Variants in DCST1 observed in about 807,000 individuals in gnomAD.
DCST1 encodes the protein DC-STAMP domain containing 1.
A neutral mutation model predicts 89.1 loss-of-function variants in DCST1; 78 were observed. That is an observed-to-expected ratio of 0.88 (90% confidence interval 0.73 to 1.06). The LOEUF (loss-of-function observed/expected upper bound fraction) is 1.06, where lower values mean the gene tolerates loss of function less well. Ranked by LOEUF, DCST1 falls within the 50% of genes least tolerant of loss-of-function variation. DCST1 has a pLI of 0.00. For synonymous variants in DCST1, 364 were observed against 371.9 expected, an observed-to-expected ratio of 0.98 and a Z score of 0.24; for missense variants, 900 against 928.6, an observed-to-expected ratio of 0.97 and a Z score of 0.40.
At chr1:155,042,610 G>T in intron 8 of DCST1, 125 bp from the exon 9 acceptor site, 1 of 1,324,530 alleles carries the variant, frequency 7.5e-7, no homozygotes, top group Non-Finnish European at 1.1e-6. Flanking sequence ...CATTGGTGTG[G>T]TAGCAAGCCA....
In DCST1 at chr1:155,041,612, C is replaced by T. The variant is rs764451537; in HGVS notation, c.747C>T (p.Ser249=). The T allele has an allele frequency of 6.2e-7, 1 of 1,614,112 alleles. No individual in the cohort carries two copies. The highest frequency in any genetic ancestry group is 2.2e-5 in the East Asian group (1 of 44,886). Residue 249 remains serine (S), a splice_region_variant and synonymous_variant, in exon 7 of 17, where the codon TCC becomes TCT. Transcript: ENST00000295542. ...AGCTGAAGACCAAGCTGCGTTGCTC[C>T]TGTGAGGGGTATCCCTGGGGAGTGG... The part of the protein sequence containing the change: ...MYELKTKLRC[S]YVVNQAILSC...
chr1:155,043,450 G>C lies in DCST1; in HGVS notation c.1113G>C (p.Glu371Asp). 1 of 1,612,914 alleles carries C rather than the reference G, an allele frequency of 6.2e-7. No homozygotes were observed. Among genetic ancestry groups the C allele is most frequent in the Non-Finnish European group, 8.5e-7 (1 of 1,179,594 alleles). Residue 371 changes from glutamate (E) to aspartate (D), a missense_variant, in exon 10 of 17, where the codon GAG becomes GAC. Physicochemically the swap from Glu to Asp is conservative, Grantham distance 45. Transcript: ENST00000295542. ...DYVYRQEARLEWALGLLHVLL... is the reference protein window; with the variant it reads ...DYVYRQEARLDWALGLLHVLL... ...TGTACCGCCAGGAGGCCCGGCTGGA[G>C]TGGGCCCTGGGGCTGCTGCACGTGC...
At chr1:155,033,918 C>A in intron 1 of DCST1, 54 bp from the exon 2 acceptor site, 1 of 1,408,796 alleles carries the variant, frequency 7.1e-7, no homozygotes, top group Non-Finnish European at 9.9e-7. Flanking sequence ...AGAGCTCAGG[C>A]CTAGGCTTCC....
At chr1:155,048,416 C>A (rs990376109) in intron 16 of DCST1, among the ~76,000 whole-genome samples, 1 of 152,242 alleles carries the variant, frequency 6.6e-6, no homozygotes, top group African/African-American at 2.4e-5. Flanking sequence ...CTCAGCCCCC[C>A]ACTCCACAAG....
chr1:155,047,906 A>G lies in DCST1; in HGVS notation c.1732A>G (p.Ile578Val), dbSNP rs372446890. The change falls in exon 15 of 17, where the codon ATC (isoleucine) becomes GTC (valine). Residue 578 changes from isoleucine to valine, a missense_variant. By Grantham distance (29) the Ile-to-Val change is conservative. Coordinates refer to ENST00000295542, the MANE Select transcript of DCST1 (RefSeq NM_152494.4). ...TTTTGGCTACCGACTCCGGAGGGTC[A>G]TCGCAGCCTTCTACTTCCCCAAGGT... is the stretch of plus-strand genomic sequence containing the variant. ...QAFGYRLRRV[I>V]AAFYFPKREK... is the part of the protein sequence containing the mutation. 1.2e-6 allele frequency: 2 copies of G among 1,614,114 alleles called. No homozygotes were observed. Among genetic ancestry groups the G allele is most frequent in the Non-Finnish European group, 8.5e-7 (1 of 1,180,012 alleles).
chr1:155,034,979 C>A, intron 4 of DCST1: 1 of 532,360 alleles, frequency 1.9e-6, no homozygotes, highest in Non-Finnish European at 3.4e-6. Flanking sequence ...TATAGTCCAA[C>A]CCCATAACCC....
chr1:155,034,084 ACAGCCT>A lies in DCST1; in HGVS notation c.51_56del (p.Gln17_Pro18del). ...ATGGCACAAGAGGGCAAAGAAGAAA[ACAGCCT>A]CATACCAGTGAGTCACTCAGCAGAG... On this transcript the variant is annotated inframe_deletion, in exon 2 of 17. Coordinates refer to ENST00000295542, the MANE Select transcript of DCST1 (RefSeq NM_152494.4). The A allele has an allele frequency of 1.2e-6, 2 of 1,614,056 alleles. No homozygotes were observed. The highest frequency in any genetic ancestry group is 1.7e-6 in the Non-Finnish European group (2 of 1,180,012).
At chr1:155,048,341 G>A (rs1328063345) in intron 16 of DCST1, among the ~76,000 whole-genome samples, 171 bp downstream of exon 16, 2 of 152,168 alleles carry the variant, frequency 1.3e-5, no homozygotes, top group African/African-American at 4.8e-5. Context: ...GCCCAGGCTG[G>A]AGTGCAGTGG....
rs377175890 is a variant in DCST1 at position 155,043,448 on chromosome 1, G to A, written c.1111G>A (p.Glu371Lys). ...DYVYRQEARL[E>K]WALGLLHVLL... is the part of the protein sequence containing the mutation. ...CGTGTACCGCCAGGAGGCCCGGCTG[G>A]AGTGGGCCCTGGGGCTGCTGCACGT... The change falls in exon 10 of 17, where the codon GAG (glutamate) becomes AAG (lysine). Residue 371 changes from glutamate (E) to lysine (K), a missense_variant. Transcript: ENST00000295542. 2 of 1,613,034 alleles carry A rather than the reference G, an allele frequency of 1.2e-6. No individual in the cohort carries two copies. The highest frequency in any genetic ancestry group is 1.7e-6 in the Non-Finnish European group (2 of 1,179,630).
chr1:155,039,955 C>T (rs1303482305), intron 5 of DCST1, among the ~76,000 whole-genome samples: 1 of 127,370 alleles, frequency 7.9e-6, no homozygotes, highest in Non-Finnish European at 1.6e-5. Flanking sequence ...TGCGCCATTG[C>T]ACTCCAGCCT....
Position 155,043,397 on chromosome 1 carries a change from C to T in DCST1, c.1060C>T (p.Arg354Cys), listed in dbSNP as rs754004851. The change falls in exon 10 of 17, where the codon CGC (arginine) becomes TGC (cysteine). Residue 354 changes from arginine (R) to cysteine (C), a missense_variant. Physicochemically the swap from Arg to Cys is radical, Grantham distance 180 (BLOSUM62 -3). Transcript: ENST00000295542. The part of the protein sequence containing the change: ...GVLGLNTSWE[R>C]VSTEVRDYVY... Reference sequence around the variant, plus strand: ...GCTGGGGCTCAACACAAGCTGGGAGCGCGTGAGCACCGAGGTGCGGGACTA... The same window carrying T: ...GCTGGGGCTCAACACAAGCTGGGAGTGCGTGAGCACCGAGGTGCGGGACTA... 5.6e-6 allele frequency: 9 copies of T among 1,613,962 alleles called. No individual in the cohort carries two copies. In the East Asian group the frequency reaches 1.1e-4, roughly 20 times the overall value.
intron 15 of DCST1, 27 bp from the exon 16 acceptor site, chr1:155,048,030 T>C (rs1171955049): frequency 7.4e-6 from 12 of 1,613,494 alleles, no homozygotes; most frequent in South Asian, 2.2e-5. Context: ...TGCCTTTCTC[T>C]ATCATTGACC....
Position 155,046,132 on chromosome 1 carries a change from G to A in DCST1, c.1280G>A (p.Arg427Gln), listed in dbSNP as rs1464950081. 1.5e-5 allele frequency: 25 copies of A among 1,614,058 alleles called. No homozygotes were observed. In the Middle Eastern group the frequency reaches 4.9e-4, roughly 32 times the overall value. The change falls in exon 12 of 17, where the codon CGG becomes CAG. Residue 427 changes from arginine (R) to glutamine (Q), a missense_variant. Physicochemically the swap from Arg to Gln is conservative, Grantham distance 43 (BLOSUM62 1). Coordinates refer to ENST00000295542, the MANE Select transcript of DCST1 (RefSeq NM_152494.4). ...TGGACATTTGTTTTCCAGGGCAAACGGACTCTGCTGCCACTCCGCAAAGCT... is the reference window on the plus strand; with the variant it reads ...TGGACATTTGTTTTCCAGGGCAAACAGACTCTGCTGCCACTCCGCAAAGCT... Reference protein sequence around the residue: ...IDDRRKKLGKRTLLPLRKAEE... With the variant: ...IDDRRKKLGKQTLLPLRKAEE...
Position 155,047,191 on chromosome 1 carries a change from C to G in DCST1, c.1496-5C>G, listed in dbSNP as rs116584869. 2 of 1,612,930 alleles carry G rather than the reference C, an allele frequency of 1.2e-6. No homozygotes were observed. The highest frequency in any genetic ancestry group is 1.3e-5 in the African/African-American group (1 of 74,888). On this transcript the variant is annotated splice_region_variant and splice_polypyrimidine_tract_variant and intron_variant, in intron 13 of 16. Coordinates refer to ENST00000295542, the MANE Select transcript of DCST1 (RefSeq NM_152494.4). Reference sequence around the variant, plus strand: ...TGACTTCCCTACCTGTCCTCCTGGCCGCAGGCAGTCATAAACTGGAGGTGA... The same window carrying G: ...TGACTTCCCTACCTGTCCTCCTGGCGGCAGGCAGTCATAAACTGGAGGTGA...
chr1:155,039,577 G>A (rs1175719554), intron 5 of DCST1, 46 bp downstream of exon 5: 2 of 1,488,898 alleles, frequency 1.3e-6, no homozygotes, highest in Non-Finnish European at 9.0e-7. Context: ...AGTGACCCTG[G>A]GTGGGTCATC....
intron 9 of DCST1, 126 bp downstream of exon 9, chr1:155,042,982 G>T: frequency 9.0e-7 from 1 of 1,107,158 alleles, no homozygotes; most frequent in Non-Finnish European, 1.3e-6. Context: ...TGAGGGAGGG[G>T]GACAAGGAGG....
intron 16 of DCST1, chr1:155,049,405 CAATTG>C (rs1660778905): frequency 4.2e-6 from 1 of 240,952 alleles, no homozygotes. Context: ...CCTTACATGA[CAATTG>C]AATTGAATTT....
chr1:155,035,679 C>T (rs1660258301), intron 4 of DCST1, among the ~76,000 whole-genome samples: 1 of 152,130 alleles, frequency 6.6e-6, no homozygotes, highest in African/African-American at 2.4e-5. Context: ...CCTGTAATCC[C>T]AGCACTTTGG....
intron 5 of DCST1, among the ~76,000 whole-genome samples, chr1:155,040,102 A>ACCAGCCTG (rs1660392879): frequency 6.7e-6 from 1 of 149,968 alleles, no homozygotes; most frequent in Non-Finnish European, 1.5e-5. Context: ...GGAGTTCGAC[A>ACCAGCCTG]CCAGCCTGAC....
Sources: allele counts gnomAD v4.1 joint callset (sites outside exome capture counted in the v4.1 genomes callset), GRCh38; gene constraint gnomAD v4.1.1; transcripts MANE v1.5; gene names NCBI Gene and HGNC (gene_info 2026-07-23, HGNC 2026-07-21).